The following ROBO2 variants were observed in gnomAD, a reference collection of about 807,000 sequenced individuals.
The protein encoded by ROBO2 is roundabout homolog 2.
A neutral mutation model predicts 160.8 loss-of-function variants in ROBO2; 53 were observed. The ratio of observed to expected loss-of-function variants is 0.33; its 90% CI spans 0.26 to 0.41. The LOEUF is 0.41. Among genes scored for constraint, ROBO2 ranks in the 10% least tolerant of loss-of-function variants. The probability of loss-of-function intolerance (pLI) is 1.00; values close to 1 mark genes in which losing one functional copy is unlikely to be tolerated. For synonymous variants in ROBO2, 664 were observed against 611.7 expected, an observed-to-expected ratio of 1.09 and a Z score of -1.26; for missense variants, 1,577 against 1,722.4, an observed-to-expected ratio of 0.92 and a Z score of 1.49.
At chr3:76,907,070 C>T (rs1364384440) in intron 2 of ROBO2, among the ~76,000 whole-genome samples, 2 of 152,004 alleles carry the variant, frequency 1.3e-5, no homozygotes, top group African/African-American at 4.8e-5. Context: ...ATTACTCTAT[C>T]CCCAAGTGTC....
At position 76,662,519 on chromosome 3, in the gene ROBO2, AT is replaced by A. The variant is rs74400757; in HGVS notation, c.110-435484del. Among the ~76,000 whole-genome samples, 468 of 149,446 alleles carry A rather than the reference AT, an allele frequency of 3.1e-3. 1 individual carries two copies. Among genetic ancestry groups the A allele is most frequent in the African/African-American group, 0.01 (424 of 40,814 alleles). ...TGTTTCTCACTCTTGAGGAACTCAG[AT>A]TTTTTTTTTTAAGAGAATAAAAATA... On this transcript the variant is annotated intron_variant, in intron 2 of 26. Transcript: ENST00000487694.
intron 1 of ROBO2, among the ~76,000 whole-genome samples, chr3:77,067,227 C>G (rs1191391335): frequency 1.4e-4 from 21 of 152,100 alleles, no homozygotes. Context: ...CAGAGTCCCT[C>G]CAAACATGTA....
chr3:76,269,050 T>C (rs981258022), intron 2 of ROBO2, among the ~76,000 whole-genome samples: 3 of 152,060 alleles, frequency 2.0e-5, no homozygotes, highest in Non-Finnish European at 2.9e-5. Flanking sequence ...GGATGGTTAA[T>C]GGGCACAAAA....
chr3:76,762,589 A>G lies in ROBO2; in HGVS notation c.110-335425A>G, dbSNP rs1576479199. Among the ~76,000 whole-genome samples, 3 of 151,810 alleles carry G rather than the reference A, an allele frequency of 2.0e-5. No individual in the cohort carries two copies. The South Asian group carries it at 6.2e-4, about 31-fold the overall frequency. ...TTATAAATTGTATCCTAAGTTTGGA[A>G]TTAAAAATGAGGTTCATGACAGAGG... On this transcript the variant is annotated intron_variant, in intron 2 of 26. Coordinates refer to the ROBO2 transcript ENST00000487694.
intron 2 of ROBO2, among the ~76,000 whole-genome samples, chr3:77,353,604 G>A (rs1366357943): frequency 2.0e-5 from 3 of 152,028 alleles, no homozygotes; most frequent in Non-Finnish European, 4.4e-5. Flanking sequence ...TCCGCCTCCT[G>A]GGTTCAGGCA....
intron 2 of ROBO2, among the ~76,000 whole-genome samples, chr3:77,236,919 G>A (rs1344149161): frequency 6.6e-6 from 1 of 152,124 alleles, no homozygotes; most frequent in African/African-American, 2.4e-5. Context: ...GATTGCCTAG[G>A]CTGGAGTGCA....
At chr3:76,016,966 C>T (rs1412251391) in intron 2 of ROBO2, among the ~76,000 whole-genome samples, 3 of 151,954 alleles carry the variant, frequency 2.0e-5, no homozygotes, top group African/African-American at 4.8e-5. Flanking sequence ...TATTAGAGCT[C>T]ATTTAAAATA....
intron 2 of ROBO2, among the ~76,000 whole-genome samples, chr3:76,176,371 A>G (rs762725798): frequency 1.3e-4 from 19 of 151,430 alleles, no homozygotes; most frequent in Admixed American, 6.6e-5. Flanking sequence ...TGCTCCAAGG[A>G]CAGGGATAAA....
intron 2 of ROBO2, among the ~76,000 whole-genome samples, chr3:76,442,217 T>C (rs1347094538): frequency 6.6e-6 from 1 of 152,146 alleles, no homozygotes; most frequent in Non-Finnish European, 1.5e-5. Context: ...TGTTGTATTT[T>C]TAAGAATGAT....
chr3:77,011,074 T>TTTC (rs2061880651), intron 2 of ROBO2, among the ~76,000 whole-genome samples: 4 of 139,604 alleles, frequency 2.9e-5, no homozygotes, highest in African/African-American at 1.2e-4. Flanking sequence ...TCTTTCTTTC[T>TTTC]TTCTTTCTTT....
chr3:77,598,658 A>G (rs765601164), intron 19 of ROBO2, among the ~76,000 whole-genome samples: 8 of 151,570 alleles, frequency 5.3e-5, no homozygotes, highest in Non-Finnish European at 1.0e-4. Flanking sequence ...AACACACCCC[A>G]CTTAGGACTC....
intron 2 of ROBO2, among the ~76,000 whole-genome samples, chr3:76,863,050 C>A (rs1277001769): frequency 6.6e-6 from 1 of 152,066 alleles, no homozygotes; most frequent in Non-Finnish European, 1.5e-5. Context: ...TTCCTTAAAT[C>A]TTTCGTGCTG....
chr3:77,346,747 C>G (rs2067688712), intron 2 of ROBO2, among the ~76,000 whole-genome samples: 1 of 152,110 alleles, frequency 6.6e-6, no homozygotes, highest in South Asian at 2.1e-4. Flanking sequence ...TTCTCACCTT[C>G]TAGTGGCTGC....
intron 13 of ROBO2, among the ~76,000 whole-genome samples, chr3:77,571,489 T>G (rs941532813): frequency 6.6e-6 from 1 of 152,108 alleles, no homozygotes; most frequent in Non-Finnish European, 1.5e-5. Context: ...GATATGGGTA[T>G]TATGTGAGCA....
chr3:77,066,982 C>A (rs771899996), intron 1 of ROBO2, among the ~76,000 whole-genome samples: 6 of 151,280 alleles, frequency 4.0e-5, no homozygotes, highest in Non-Finnish European at 7.4e-5. Flanking sequence ...CCCCCCTCCA[C>A]CCCTGCAACA....
chr3:76,232,774 T>C (rs575881920), intron 2 of ROBO2, among the ~76,000 whole-genome samples: 8 of 152,298 alleles, frequency 5.3e-5, no homozygotes, highest in Non-Finnish European at 1.2e-4. Flanking sequence ...TCCTACAAAT[T>C]TCCTCTTGTG....
intron 2 of ROBO2, among the ~76,000 whole-genome samples, chr3:76,710,367 C>A (rs1254680641): frequency 6.6e-6 from 1 of 152,162 alleles, no homozygotes; most frequent in African/African-American, 2.4e-5. Context: ...GATCCTCCTG[C>A]CTTGGCCTCC....
At chr3:77,527,365 T>A (rs1313480011) in intron 6 of ROBO2, 38 bp from the exon 7 acceptor site, 1 of 1,281,646 alleles carries the variant, frequency 7.8e-7, no homozygotes, top group Non-Finnish European at 1.0e-6. Flanking sequence ...TTTTAATTTC[T>A]TTTTTATGTT....
chr3:77,502,451 A>C (rs1481102492), intron 5 of ROBO2, among the ~76,000 whole-genome samples: 1 of 152,160 alleles, frequency 6.6e-6, no homozygotes, highest in African/African-American at 2.4e-5. Flanking sequence ...TTGACACAAA[A>C]TTTAAAACAA....
Sources: allele counts gnomAD v4.1 joint callset (sites outside exome capture counted in the v4.1 genomes callset), GRCh38; gene constraint gnomAD v4.1.1; transcripts MANE v1.5; gene names NCBI Gene and HGNC (gene_info 2026-07-23, HGNC 2026-07-21).